Variants in VIPAS39 observed in about 807,000 individuals in gnomAD.
The protein encoded by VIPAS39 is VPS33B interacting protein, apical-basolateral polarity regulator, spe-39 homolog, also known as spermatogenesis-defective protein 39 homolog.
VIPAS39 carries 63 observed loss-of-function variants against 84.7 expected under a neutral mutation model. The ratio of observed to expected loss-of-function variants is 0.74; its 90% confidence interval spans 0.61 to 0.92. The LOEUF (loss-of-function observed/expected upper bound fraction) is 0.92, where lower values mean the gene tolerates loss of function less well. Among genes scored for constraint, VIPAS39 ranks in the 40% least tolerant of loss-of-function variants. The probability of loss-of-function intolerance (pLI) is 0.00; values close to 1 mark genes in which losing one functional copy is unlikely to be tolerated. For synonymous variants in VIPAS39, 192 were observed against 216.5 expected (o/e 0.89, Z 0.99); for missense variants, 499 against 604.5 (o/e 0.83, Z 1.83).
chr14:77,448,525 C>T lies in VIPAS39; in HGVS notation c.473G>A (p.Ser158Asn), dbSNP rs1429356436. 1.2e-5 allele frequency: 19 copies of T among 1,614,064 alleles called. No individual in the cohort carries two copies. In the Admixed American group the frequency reaches 2.5e-4, roughly 21 times the overall value. ...YRDYSNDWSP[S>N]DTVRRLRKGK... is the part of the protein sequence containing the mutation. The stretch of plus-strand genomic sequence containing the variant: ...CTTCCGGAGACGTCGCACTGTATCA[C>T]TGGGGCTCCAGTCATTGCTGTAATC... Residue 158 changes from serine (S) to asparagine (N), a missense_variant, in exon 7 of 20, where the codon AGT becomes AAT. Coordinates refer to ENST00000557658, the MANE Select transcript of VIPAS39 (RefSeq NM_001193315.2).
chr14:77,427,388 G>T lies in VIPAS39; in HGVS notation c.*228C>A. 1 of 586,886 alleles carries T rather than the reference G, an allele frequency of 1.7e-6. No homozygotes were observed. Among genetic ancestry groups the T allele is most frequent in the Non-Finnish European group, 3.0e-6 (1 of 330,494 alleles). The allele number at this position is 586,886 out of a possible 1,614,324, so 36.4% of individuals were successfully genotyped here. On this transcript the variant is annotated 3_prime_UTR_variant, in exon 20 of 20. Transcript: ENST00000557658. ...CACTCCCACCTTCATATGAGCACCA[G>T]GTGGAGAGAATCATTCTCATGACTC...
rs765164230 is a variant in VIPAS39 at position 77,437,776 on chromosome 14, T to TATACTTAAA, written c.836+23_836+31dup. The TATACTTAAA allele has an allele frequency of 5.6e-6, 9 of 1,602,856 alleles. No individual in the cohort carries two copies. In the African/African-American group the frequency reaches 9.4e-5, roughly 17 times the overall value. On this transcript the variant is annotated intron_variant, in intron 12 of 19. Coordinates refer to ENST00000557658, the MANE Select transcript of VIPAS39 (RefSeq NM_001193315.2). ...TTCATTCCTTCTGGGTAAAGGTATT[T>TATACTTAAA]ATACTTAAAATCATTTTTCCCCCAT...
intron 16 of VIPAS39, among the ~76,000 whole-genome samples, chr14:77,431,055 C>A (rs1300199441): frequency 6.6e-6 from 1 of 152,056 alleles, no homozygotes; most frequent in African/African-American, 2.4e-5. Flanking sequence ...GATAATATAC[C>A]TAAGCATAAG....
rs1594924768 is a variant in VIPAS39, at chr14:77,451,122, T to A, written c.343+65A>T. 7 of 1,608,016 alleles carry A rather than the reference T, an allele frequency of 4.4e-6. No homozygotes were observed. The Admixed American group carries it at 8.3e-5, about 19-fold the overall frequency. On this transcript the variant is annotated intron_variant, in intron 4 of 19. Coordinates refer to ENST00000557658, the MANE Select transcript of VIPAS39 (RefSeq NM_001193315.2). ...TTTTTCTTACAAAGTAAATGAAAAT[T>A]ATGGCCTAAGATTTTTCTGGAAAAA...
At position 77,457,499 on chromosome 14, in the gene VIPAS39, T is replaced by G. The variant is rs2078980721; in HGVS notation, c.-5A>C. On this transcript the variant is annotated 5_prime_UTR_variant, in exon 1 of 20. Transcript: ENST00000557658. ...AGGGGCTTGGGACACCCTCACCTCT[T>G]CCGCACAGAGCCCTCCCTCTCAGGA... 7 of 1,103,836 alleles carry G rather than the reference T, an allele frequency of 6.3e-6. No individual in the cohort carries two copies. In the Admixed American group the frequency reaches 8.6e-5, roughly 14 times the overall value. 68.4% of individuals were successfully genotyped at this position (1,103,836 alleles called of 1,614,324 possible).
At chr14:77,457,217 C>T (rs777213088) in intron 1 of VIPAS39, 23 of 1,519,712 alleles carry the variant, frequency 1.5e-5, no homozygotes, top group Non-Finnish European at 2.0e-5. Context: ...TCCAGGAAGC[C>T]ATGGATCTAC....
rs781579264 is a variant in VIPAS39 at position 77,429,724 on chromosome 14, T to C, written c.1223A>G (p.His408Arg). Residue 408 changes from histidine to arginine, a missense_variant, in exon 17 of 20, where the codon CAT becomes CGT. By Grantham distance (29) the His-to-Arg change is conservative. Transcript: ENST00000557658. ...CTTGTGCAAAATTTCGACAACCCGA[T>C]GGAAGCCAATGGGTGCTCTCTTCTT... ...YTKKRAPIGF[H>R]RVVEILHKNN... 54 of 1,614,088 alleles carry C rather than the reference T, an allele frequency of 3.3e-5. No individual in the cohort carries two copies. In the Admixed American group the frequency reaches 6.5e-4, roughly 19 times the overall value.
chr14:77,443,246 C>G, intron 8 of VIPAS39, 94 bp from the exon 9 acceptor site: 1 of 1,456,378 alleles, frequency 6.9e-7, no homozygotes, highest in Non-Finnish European at 9.6e-7. Flanking sequence ...CATTAGCAAT[C>G]TCTGAAGGTA....
chr14:77,440,924 G>A (rs2078692525), intron 11 of VIPAS39, 142 bp downstream of exon 11: 3 of 915,740 alleles, frequency 3.3e-6, no homozygotes, highest in East Asian at 3.0e-5. Context: ...CACCATGTTG[G>A]CCAGGCTGGT....
rs112864545 is a variant in VIPAS39, at chr14:77,443,207, T to C, written c.598-55A>G. 8,702 of 1,605,432 alleles carry C rather than the reference T, an allele frequency of 5.4e-3. 411 individuals carry two copies. The African/African-American group carries it at 0.1, about 19-fold the overall frequency. On this transcript the variant is annotated intron_variant, in intron 8 of 19. Transcript: ENST00000557658. Reference sequence around the variant, plus strand: ...AACTTTCCAACACAGAGTCATGCCCTGAGCACTACAGACACGGGGCCAGCA... The same window carrying C: ...AACTTTCCAACACAGAGTCATGCCCCGAGCACTACAGACACGGGGCCAGCA...
intron 14 of VIPAS39, chr14:77,435,055 T>C: frequency 1.5e-6 from 1 of 679,970 alleles, no homozygotes; most frequent in African/African-American, 1.8e-5. Context: ...GCCAGCTCAC[T>C]TGAAGCTACA....
intron 8 of VIPAS39, among the ~76,000 whole-genome samples, chr14:77,443,416 C>T (rs1282192574): frequency 6.6e-6 from 1 of 152,148 alleles, no homozygotes; most frequent in African/African-American, 2.4e-5. Flanking sequence ...TTTTATATAA[C>T]ACATAGTAGC....
At chr14:77,456,164 C>T (rs1274402952) in intron 1 of VIPAS39, among the ~76,000 whole-genome samples, 9 of 152,174 alleles carry the variant, frequency 5.9e-5, no homozygotes, top group African/African-American at 2.2e-4. Flanking sequence ...TTGGTTTTCC[C>T]GTCTGTTAAA....
At chr14:77,457,392 TC>T in intron 1 of VIPAS39, 102 bp downstream of exon 1, 1 of 1,535,456 alleles carries the variant, frequency 6.5e-7, no homozygotes, top group South Asian at 1.2e-5. Flanking sequence ...AGGCCTGTAG[TC>T]ATAGGGTGTA....
At chr14:77,444,450 G>T in intron 7 of VIPAS39, 109 bp from the exon 8 acceptor site, 1 of 1,005,096 alleles carries the variant, frequency 9.9e-7, no homozygotes, top group Non-Finnish European at 1.5e-6. Flanking sequence ...CCCAAGGAGA[G>T]TCTCTTTATT....
In VIPAS39 at chr14:77,454,019, CTCA is replaced by C; in HGVS notation, c.81_83del (p.Asp27del). On this transcript the variant is annotated inframe_deletion, in exon 2 of 20. Coordinates refer to ENST00000557658, the MANE Select transcript of VIPAS39 (RefSeq NM_001193315.2). ...TCAGCAGTTGACCTACCTGTGAAAG[CTCA>C]TCGTCTTCATCGTCAAAGGTAAAAG... 1 of 1,614,134 alleles carries C rather than the reference CTCA, an allele frequency of 6.2e-7. No individual in the cohort carries two copies. The highest frequency in any genetic ancestry group is 8.5e-7 in the Non-Finnish European group (1 of 1,180,006).
At chr14:77,445,931 C>A (rs1355364598) in intron 7 of VIPAS39, among the ~76,000 whole-genome samples, 1 of 140,940 alleles carries the variant, frequency 7.1e-6, no homozygotes, top group Non-Finnish European at 1.5e-5. Flanking sequence ...CAGAAGGAGA[C>A]TCCATCTCAA....
rs371595873 is a variant in VIPAS39, at chr14:77,453,251, G to A, written c.196+48C>T. 9 of 1,564,356 alleles carry A rather than the reference G, an allele frequency of 5.8e-6. No homozygotes were observed. In the African/African-American group the frequency reaches 1.1e-4, roughly 19 times the overall value. On this transcript the variant is annotated intron_variant, in intron 3 of 19. Coordinates refer to ENST00000557658, the MANE Select transcript of VIPAS39 (RefSeq NM_001193315.2). ...ACAAACAAGTAGAGCCTTTATCAGTGATAAGAATCCTCAACATCTATCCCT... is the reference window on the plus strand; with the variant it reads ...ACAAACAAGTAGAGCCTTTATCAGTAATAAGAATCCTCAACATCTATCCCT...
At chr14:77,451,695 T>C (rs1291905847) in intron 3 of VIPAS39, among the ~76,000 whole-genome samples, 1 of 152,170 alleles carries the variant, frequency 6.6e-6, no homozygotes, top group African/African-American at 2.4e-5. Flanking sequence ...CCTCAACTCC[T>C]GGCCTCAAGC....
Sources: allele counts gnomAD v4.1 joint callset (sites outside exome capture counted in the v4.1 genomes callset), GRCh38; gene constraint gnomAD v4.1.1; transcripts MANE v1.5; gene names NCBI Gene and HGNC (gene_info 2026-07-23, HGNC 2026-07-21).